Variants in MCC observed in about 807,000 individuals in gnomAD.
MCC encodes the protein MCC regulator of Wnt signaling pathway.
Under a neutral mutation model 116.2 loss-of-function variants are expected in MCC, and 90 were observed. The observed-to-expected ratio is 0.77, with a 90% CI of 0.65 to 0.92. MCC has a LOEUF of 0.92. MCC is among the 40% of genes least tolerant of loss of function. The pLI is 0.00. For missense variants in MCC, 1,516 were observed against 1,312.2 expected, an observed-to-expected ratio of 1.16 and a Z score of -2.40; for synonymous variants, 578 against 510.5, an observed-to-expected ratio of 1.13 and a Z score of -1.78.
At chr5:113,066,186 C>T (rs1002120262) in intron 13 of MCC, among the ~76,000 whole-genome samples, 4 of 152,314 alleles carry the variant, frequency 2.6e-5, no homozygotes, top group African/African-American at 4.8e-5. Flanking sequence ...TCAGCTCCTA[C>T]ACCAAATAAC....
chr5:113,274,859 T>A (rs952756774), intron 3 of MCC, among the ~76,000 whole-genome samples: 1 of 152,214 alleles, frequency 6.6e-6, no homozygotes, highest in Non-Finnish European at 1.5e-5. Context: ...AATACTCATT[T>A]CTGAATGAAT....
At chr5:113,441,772 G>A (rs1771050112) in intron 1 of MCC, among the ~76,000 whole-genome samples, 1 of 152,128 alleles carries the variant, frequency 6.6e-6, no homozygotes, top group South Asian at 2.1e-4. Flanking sequence ...CTGTTCTTGT[G>A]TTCATTTGCT....
At chr5:113,070,966 G>T (rs571376738) in intron 12 of MCC, 128 bp downstream of exon 12, 2 of 971,828 alleles carry the variant, frequency 2.1e-6, no homozygotes, top group Non-Finnish European at 3.0e-6. Context: ...TGTCCAAACC[G>T]CCAGATATGC....
chr5:113,090,258 T>G (rs762398615), intron 8 of MCC, among the ~76,000 whole-genome samples: 1 of 151,084 alleles, frequency 6.6e-6, no homozygotes, highest in Admixed American at 6.6e-5. Context: ...CAGGGGAAGA[T>G]GCGAAACAGG....
intron 1 of MCC, among the ~76,000 whole-genome samples, chr5:113,398,017 T>C (rs1389534865): frequency 6.6e-6 from 1 of 152,176 alleles, no homozygotes; most frequent in African/African-American, 2.4e-5. Flanking sequence ...CATTAAATAA[T>C]GGGCAAAGGA....
chr5:113,045,026 C>T (rs6877570), intron 16 of MCC, among the ~76,000 whole-genome samples: 1 of 152,044 alleles, frequency 6.6e-6, no homozygotes, highest in African/African-American at 2.4e-5. Context: ...CCTGGGCCGC[C>T]TTCCACCTCC....
At chr5:113,197,608 T>C (rs1385591952) in intron 3 of MCC, among the ~76,000 whole-genome samples, 1 of 152,278 alleles carries the variant, frequency 6.6e-6, no homozygotes, top group East Asian at 1.9e-4. Context: ...ATTTCTTGGG[T>C]CGTGGGAGGC....
In MCC at chr5:113,070,448, C is replaced by T. The variant is rs1184753236; in HGVS notation, c.1925+646G>A. Among the ~76,000 whole-genome samples the T allele has an allele frequency of 2.0e-5, 3 of 152,026 alleles. No homozygotes were observed. In the East Asian group the frequency reaches 5.8e-4, roughly 29 times the overall value. On this transcript the variant is annotated intron_variant, in intron 12 of 18. Coordinates refer to ENST00000408903, the MANE Select transcript of MCC (RefSeq NM_001085377.2). ...TACCACTTGCTCACCAATGAGTGAACTGTAGTTATTTAAATTGACTTGTTT... is the reference window on the plus strand; with the variant it reads ...TACCACTTGCTCACCAATGAGTGAATTGTAGTTATTTAAATTGACTTGTTT...
chr5:113,165,134 T>G (rs1760700877), intron 3 of MCC, among the ~76,000 whole-genome samples: 1 of 152,212 alleles, frequency 6.6e-6, no homozygotes, highest in Non-Finnish European at 1.5e-5. Context: ...ATGTCAGAAT[T>G]GCAGATAAAA....
intron 11 of MCC, among the ~76,000 whole-genome samples, chr5:113,076,319 A>C (rs1187291886): frequency 6.6e-6 from 1 of 152,182 alleles, no homozygotes; most frequent in Non-Finnish European, 1.5e-5. Context: ...CACCACAAAG[A>C]TACTCCTTGA....
intron 1 of MCC, among the ~76,000 whole-genome samples, chr5:113,468,056 G>C (rs998254449): frequency 1.3e-5 from 2 of 152,180 alleles, no homozygotes; most frequent in Admixed American, 6.5e-5. Context: ...TGCTGAAGTT[G>C]CTTATCAGCT....
intron 3 of MCC, among the ~76,000 whole-genome samples, chr5:113,272,453 TA>T (rs1319910345): frequency 6.6e-6 from 1 of 152,160 alleles, no homozygotes; most frequent in Non-Finnish European, 1.5e-5. Context: ...CAGATCTAAA[TA>T]AAAAAATAAG....
At chr5:113,315,043 C>T (rs902511016) in intron 3 of MCC, among the ~76,000 whole-genome samples, 6 of 152,202 alleles carry the variant, frequency 3.9e-5, no homozygotes, top group African/African-American at 1.4e-4. Flanking sequence ...AAGAGCTTTG[C>T]TCTCCATCAG....
At chr5:113,165,396 C>T (rs982744895) in intron 3 of MCC, among the ~76,000 whole-genome samples, 1 of 152,228 alleles carries the variant, frequency 6.6e-6, no homozygotes, top group African/African-American at 2.4e-5. Flanking sequence ...CATTGTATCA[C>T]ATATTGTCTT....
chr5:113,248,250 A>G (rs906062244), intron 3 of MCC, among the ~76,000 whole-genome samples: 1 of 151,846 alleles, frequency 6.6e-6, no homozygotes, highest in Non-Finnish European at 1.5e-5. Context: ...AAAAAAAAAA[A>G]AAAAAGATCA....
intron 1 of MCC, among the ~76,000 whole-genome samples, chr5:113,392,178 C>G (rs939508580): frequency 6.6e-6 from 1 of 151,448 alleles, no homozygotes; most frequent in Non-Finnish European, 1.5e-5. Context: ...CCATAGTGAG[C>G]TACGATTGCC....
At chr5:113,451,519 G>C (rs1771395559) in intron 1 of MCC, among the ~76,000 whole-genome samples, 1 of 152,192 alleles carries the variant, frequency 6.6e-6, no homozygotes, top group Non-Finnish European at 1.5e-5. Context: ...CGGATCACCT[G>C]AGTTCGGGAG....
intron 3 of MCC, among the ~76,000 whole-genome samples, chr5:113,180,057 T>C (rs1318361193): frequency 1.3e-5 from 2 of 152,166 alleles, no homozygotes; most frequent in Non-Finnish European, 1.5e-5. Flanking sequence ...AGGATTTCCA[T>C]GGAGAATGAA....
chr5:113,466,623 G>A (rs1453187632), intron 1 of MCC, among the ~76,000 whole-genome samples: 1 of 152,024 alleles, frequency 6.6e-6, no homozygotes, highest in Admixed American at 6.6e-5. Context: ...TTGCTATTGT[G>A]AATAGTGCTG....
Sources: allele counts gnomAD v4.1 joint callset (sites outside exome capture counted in the v4.1 genomes callset), GRCh38; gene constraint gnomAD v4.1.1; transcripts MANE v1.5; gene names NCBI Gene and HGNC (gene_info 2026-07-23, HGNC 2026-07-21).